CLPP: variants seen among roughly 807,000 people sequenced by gnomAD.
CLPP encodes ATP-dependent Clp protease proteolytic subunit, mitochondrial.
Under a neutral mutation model 27.4 loss-of-function variants are expected in CLPP, and 14 were observed. The observed-to-expected ratio is 0.51, with a 90% confidence interval of 0.34 to 0.80. The LOEUF (loss-of-function observed/expected upper bound fraction) is 0.80, where lower values mean the gene tolerates loss of function less well. Among genes scored for constraint, CLPP ranks in the 30% least tolerant of loss-of-function variants. CLPP has a pLI of 0.02. For missense variants in CLPP, 361 were observed against 403.6 expected, an observed-to-expected ratio of 0.89 and a Z score of 0.90; for synonymous variants, 193 against 166.6, an observed-to-expected ratio of 1.16 and a Z score of -1.22.
rs1467500003 is a variant in CLPP, at chr19:6,361,874, C to T, written c.204C>T (p.Arg68=). ...CTCCATCTTTCTACCCCCAGGGTCG[C>T]GGCGAGCGCGCCTATGACATCTACT... The part of the protein sequence containing the change: ...LIPIVVEQTG[R]GERAYDIYSR... Residue 68 remains arginine, a synonymous_variant, in exon 2 of 6, where the codon CGC becomes CGT. Transcript: ENST00000245816. The T allele has an allele frequency of 3.0e-5, 48 of 1,597,830 alleles. No individual in the cohort carries two copies. Among genetic ancestry groups the T allele is most frequent in the Non-Finnish European group, 3.9e-5 (46 of 1,179,120 alleles).
Position 6,366,338 on chromosome 19 carries a change from C to T in CLPP, c.636C>T (p.His212=), listed in dbSNP as rs780321214. 1.4e-5 allele frequency: 23 copies of T among 1,612,122 alleles called. No homozygotes were observed. In the African/African-American group the frequency reaches 2.8e-4, roughly 20 times the overall value. The change falls in exon 5 of 6, where the codon CAC becomes CAT. Residue 212 remains histidine (H), a synonymous_variant. Coordinates refer to ENST00000245816, the MANE Select transcript of CLPP (RefSeq NM_006012.4). ...KKQLYNIYAK[H]TKQSLQVIES... Reference sequence around the variant, plus strand: ...AGCTCTATAACATCTACGCCAAGCACACCAAACAGAGCCTGCAGGTGATCG... The same window carrying T: ...AGCTCTATAACATCTACGCCAAGCATACCAAACAGAGCCTGCAGGTGATCG...
At chr19:6,362,364 G>A in intron 2 of CLPP, 82 bp from the exon 3 acceptor site, 1 of 941,626 alleles carries the variant, frequency 1.1e-6, no homozygotes, top group Middle Eastern at 2.1e-4. Context: ...CCCCTTCCTG[G>A]TTCCCTGACC....
At chr19:6,365,888 A>G (rs57329093) in intron 4 of CLPP, among the ~76,000 whole-genome samples, 16,752 of 150,714 alleles carry the variant, frequency 0.11, 1,278 homozygotes, top group East Asian at 0.38. Context: ...AGGCCGAGAC[A>G]GGAGGATCAC....
intron 5 of CLPP, among the ~76,000 whole-genome samples, chr19:6,367,567 G>C (rs938657113): frequency 6.6e-6 from 1 of 151,936 alleles, no homozygotes; most frequent in African/African-American, 2.4e-5. Context: ...ATTAGTGACT[G>C]TCGTGGGCCC....
At chr19:6,367,825 C>T (rs181335226) in intron 5 of CLPP, among the ~76,000 whole-genome samples, 1 of 151,878 alleles carries the variant, frequency 6.6e-6, no homozygotes, top group East Asian at 1.9e-4. Flanking sequence ...ACCTCAGCCT[C>T]CCTAGTAGCT....
Position 6,361,939 on chromosome 19 carries a change from C to A in CLPP, c.269C>A (p.Pro90Gln). The A allele has an allele frequency of 6.3e-7, 1 of 1,596,572 alleles. No individual in the cohort carries two copies. Among genetic ancestry groups the A allele is most frequent in the South Asian group, 1.1e-5 (1 of 90,862 alleles). The change falls in exon 2 of 6, where the codon CCG becomes CAG. Residue 90 changes from proline (P) to glutamine (Q), a missense_variant and splice_region_variant. Coordinates refer to ENST00000245816, the MANE Select transcript of CLPP (RefSeq NM_006012.4). Reference sequence around the variant, plus strand: ...GAGCGCATCGTGTGCGTCATGGGCCCGGTGAGCGCCCCGCGCCGGGACCCT... The same window carrying A: ...GAGCGCATCGTGTGCGTCATGGGCCAGGTGAGCGCCCCGCGCCGGGACCCT... ...LRERIVCVMG[P>Q]IDDSVASLVI...
intron 5 of CLPP, 137 bp downstream of exon 5, chr19:6,366,500 G>GA: frequency 1.7e-6 from 1 of 586,954 alleles, no homozygotes; most frequent in South Asian, 2.3e-5. Flanking sequence ...CATCCCAGAG[G>GA]TCAGCCTGGC....
In CLPP at chr19:6,361,736, G is replaced by T; in HGVS notation, c.162G>T (p.Arg54=). The change falls in exon 1 of 6, where the codon CGG becomes CGT. Residue 54 remains arginine (R), a synonymous_variant. Transcript: ENST00000245816. The stretch of plus-strand genomic sequence containing the variant: ...GGTGCCTGCACGCGACGGCGACCCG[G>T]GCTCTCCCGCTCATTCCCATCGTGG... The part of the protein sequence containing the change: ...LQRCLHATAT[R]ALPLIPIVVE... 2.0e-6 allele frequency: 3 copies of T among 1,515,268 alleles called. No individual in the cohort carries two copies. Among genetic ancestry groups the T allele is most frequent in the Non-Finnish European group, 2.6e-6 (3 of 1,136,044 alleles). 93.9% of individuals were successfully genotyped at this position (1,515,268 alleles called of 1,614,324 possible). A position where few individuals can be genotyped will look rare whatever the true frequency, so the allele number is the denominator to read the frequency against.
chr19:6,368,990 C>T lies in CLPP; in HGVS notation c.*280C>T. 3 of 417,712 alleles carry T rather than the reference C, an allele frequency of 7.2e-6. No individual in the cohort carries two copies. The highest frequency in any genetic ancestry group is 8.6e-6 in the Non-Finnish European group (2 of 232,854). The allele number at this position is 417,712 out of a possible 1,614,324, so 25.9% of individuals were successfully genotyped here. On this transcript the variant is annotated 3_prime_UTR_variant, in exon 6 of 6. Coordinates refer to ENST00000245816, the MANE Select transcript of CLPP (RefSeq NM_006012.4). ...AGGCCCCTTCTGCTTTTGTCCTGAC[C>T]CCAAGAGGCAAGCCATGTCTTCCTT...
rs1003019031 is a variant in CLPP, at chr19:6,368,888, A to G, written c.*178A>G. On this transcript the variant is annotated 3_prime_UTR_variant, in exon 6 of 6. Coordinates refer to ENST00000245816, the MANE Select transcript of CLPP (RefSeq NM_006012.4). ...CTGAGACACTGTGATTTTAAATTAAATCTTTGTGGTCTTTGCTCTGCGTCT... is the reference window on the plus strand; with the variant it reads ...CTGAGACACTGTGATTTTAAATTAAGTCTTTGTGGTCTTTGCTCTGCGTCT... The G allele has an allele frequency of 3.3e-6, 2 of 613,520 alleles. No homozygotes were observed. The highest frequency in any genetic ancestry group is 1.9e-5 in the African/African-American group (1 of 53,940). The allele number at this position is 613,520 out of a possible 1,614,324, so 38.0% of individuals were successfully genotyped here.
At chr19:6,367,219 A>G (rs572185301) in intron 5 of CLPP, among the ~76,000 whole-genome samples, 1 of 151,950 alleles carries the variant, frequency 6.6e-6, no homozygotes, top group Non-Finnish European at 1.5e-5. Flanking sequence ...TACCAAAAAT[A>G]CAAAAACTAG....
intron 3 of CLPP, among the ~76,000 whole-genome samples, chr19:6,363,362 A>AG (rs1360790335): frequency 3.3e-5 from 5 of 151,820 alleles, no homozygotes; most frequent in Non-Finnish European, 7.4e-5. Flanking sequence ...ACCTCAAGTG[A>AG]TCCACCCGCC....
chr19:6,366,349 G>A lies in CLPP; in HGVS notation c.647G>A (p.Ser216Asn). The A allele has an allele frequency of 2.5e-6, 4 of 1,611,064 alleles. No homozygotes were observed. The highest frequency in any genetic ancestry group is 3.4e-6 in the Non-Finnish European group (4 of 1,178,324). Residue 216 changes from serine to asparagine, a missense_variant, in exon 5 of 6, where the codon AGC becomes AAC. Around this residue, in one of 2 missense-constraint regions of CLPP, gnomAD observed 213 missense variants for 280.9 expected, o/e 0.76. Transcript: ENST00000245816. Reference protein sequence around the residue: ...YNIYAKHTKQSLQVIESAMER... With the variant: ...YNIYAKHTKQNLQVIESAMER... ...ATCTACGCCAAGCACACCAAACAGAGCCTGCAGGTGATCGGTAAGCACCCT... is the reference window on the plus strand; with the variant it reads ...ATCTACGCCAAGCACACCAAACAGAACCTGCAGGTGATCGGTAAGCACCCT...
intron 4 of CLPP, chr19:6,365,016 G>A (rs932185193): frequency 8.5e-5 from 16 of 188,168 alleles, no homozygotes; most frequent in South Asian, 2.6e-4. Context: ...GAGCCACCGC[G>A]CTGGGCCAGC....
At chr19:6,363,183 T>C (rs1475646388) in intron 3 of CLPP, among the ~76,000 whole-genome samples, 3 of 148,674 alleles carry the variant, frequency 2.0e-5, no homozygotes, top group African/African-American at 7.8e-5. Flanking sequence ...TGGAGTGCAG[T>C]GTTGCAATCT....
Position 6,366,330 on chromosome 19 carries a change from G to A in CLPP, c.628G>A (p.Ala210Thr), listed in dbSNP as rs1235693116. ...CAAGAAGCAGCTCTATAACATCTAC[G>A]CCAAGCACACCAAACAGAGCCTGCA... ...KLKKQLYNIY[A>T]KHTKQSLQVI... The change falls in exon 5 of 6, where the codon GCC becomes ACC. Residue 210 changes from alanine to threonine, a missense_variant. By Grantham distance (58) the Ala-to-Thr change is moderately conservative. Transcript: ENST00000245816. The A allele has an allele frequency of 1.4e-5, 22 of 1,612,314 alleles. No individual in the cohort carries two copies. Among genetic ancestry groups the A allele is most frequent in the East Asian group, 4.5e-5 (2 of 44,860 alleles).
At chr19:6,364,142 T>C (rs995486231) in intron 3 of CLPP, among the ~76,000 whole-genome samples, 2 of 151,068 alleles carry the variant, frequency 1.3e-5, no homozygotes, top group African/African-American at 4.9e-5. Context: ...GCCATTCTGC[T>C]GCCTCAGCCT....
intron 5 of CLPP, 42 bp downstream of exon 5, chr19:6,366,405 G>A (rs765813516): frequency 1.4e-5 from 20 of 1,477,108 alleles, no homozygotes; most frequent in Non-Finnish European, 1.9e-5. Flanking sequence ...GTGCACAGAC[G>A]GACCAGGCGT....
chr19:6,363,558 C>T (rs1208783284), intron 3 of CLPP, among the ~76,000 whole-genome samples: 4 of 152,114 alleles, frequency 2.6e-5, no homozygotes, highest in South Asian at 2.1e-4. Context: ...GTTTTTGTCA[C>T]CTCCCAACCC....
Sources: gnomAD v4.1 joint callset for allele counts (sites outside exome capture counted in the v4.1 genomes callset) on GRCh38, gnomAD v4.1.1 for gene constraint, gnomAD v4.1.1 regional missense constraint, MANE v1.5 for transcripts, NCBI Gene and HGNC (gene_info 2026-07-23, HGNC 2026-07-21) for gene names.